ENOX2: variants seen among roughly 807,000 people sequenced by gnomAD.
ENOX2 encodes ecto-NOX disulfide-thiol exchanger 2, also known as APK1 antigen.
Under a neutral mutation model 45.0 loss-of-function variants are expected in ENOX2, and 36 were observed. The ratio of observed to expected loss-of-function variants is 0.80; its 90% CI spans 0.61 to 1.06. The LOEUF (loss-of-function observed/expected upper bound fraction) is 1.06, where lower values mean the gene tolerates loss of function less well. Ranked by LOEUF, ENOX2 falls within the 50% of genes least tolerant of loss-of-function variation. The probability of loss-of-function intolerance (pLI) is 0.00; values close to 1 mark genes in which losing one functional copy is unlikely to be tolerated. For synonymous variants in ENOX2, 174 were observed against 152.3 expected (o/e 1.14, Z -1.05); for missense variants, 423 against 462.5 (o/e 0.91, Z 0.78).
chrX:130,782,807 A>G (rs1378641745), intron 3 of ENOX2, among the ~76,000 whole-genome samples: 1 of 110,771 alleles, frequency 9.0e-6, no homozygotes, highest in African/African-American at 3.3e-5. Flanking sequence ...ATCAGTTAAG[A>G]TGTGGCTCTC....
intron 2 of ENOX2, among the ~76,000 whole-genome samples, chrX:130,824,449 T>C (rs955924792): frequency 2.7e-5 from 3 of 112,003 alleles, no homozygotes; most frequent in African/African-American, 9.7e-5. Context: ...TAATCTGGTG[T>C]CTTACTTCAA....
At chrX:130,786,524 G>A (rs2076971249) in intron 2 of ENOX2, among the ~76,000 whole-genome samples, 1 of 92,891 alleles carries the variant, frequency 1.1e-5, no homozygotes, top group African/African-American at 4.0e-5. Context: ...TCTAGCATTA[G>A]GTATATCTCC....
intron 2 of ENOX2, among the ~76,000 whole-genome samples, chrX:130,846,704 T>C (rs1365909894): frequency 8.9e-6 from 1 of 112,779 alleles, no homozygotes; most frequent in Non-Finnish European, 1.9e-5. Context: ...AAATATGGAA[T>C]TTATATGTTC....
intron 2 of ENOX2, among the ~76,000 whole-genome samples, chrX:130,894,191 C>A (rs2040950598): frequency 1.8e-5 from 2 of 111,115 alleles, no homozygotes; most frequent in Admixed American, 1.9e-4. Context: ...TCAAAGACTG[C>A]CAAATTAGAA....
chrX:130,859,387 T>A (rs1727161374), intron 2 of ENOX2, among the ~76,000 whole-genome samples: 1 of 112,450 alleles, frequency 8.9e-6, no homozygotes, highest in Non-Finnish European at 1.9e-5. Flanking sequence ...CTAAATGGGA[T>A]AAACAGATAA....
intron 2 of ENOX2, among the ~76,000 whole-genome samples, chrX:130,882,258 G>A (rs775789621): frequency 3.9e-4 from 42 of 106,729 alleles, no homozygotes; most frequent in African/African-American, 1.0e-3. Context: ...AGAGCGTTGT[G>A]TAGTGGGAGA....
chrX:130,814,161 A>G (rs1390856499), intron 2 of ENOX2, among the ~76,000 whole-genome samples: 2 of 112,392 alleles, frequency 1.8e-5, no homozygotes, highest in Admixed American at 9.3e-5. Context: ...ATGGCAGCTC[A>G]GCAAAGCCAC....
intron 5 of ENOX2, among the ~76,000 whole-genome samples, chrX:130,686,158 C>T (rs2037443225): frequency 9.0e-6 from 1 of 110,639 alleles, no homozygotes; most frequent in Admixed American, 9.6e-5. Context: ...TATGGTTCGG[C>T]CCTGTGTTCC....
At chrX:130,635,403 T>C (rs1408019963) in intron 11 of ENOX2, among the ~76,000 whole-genome samples, 1 of 111,919 alleles carries the variant, frequency 8.9e-6, no homozygotes, top group Non-Finnish European at 1.9e-5. Flanking sequence ...GTGTGGGCAA[T>C]GTTTTGATTG....
At chrX:130,744,729 G>A (rs1208359346) in intron 3 of ENOX2, among the ~76,000 whole-genome samples, 4 of 111,646 alleles carry the variant, frequency 3.6e-5, no homozygotes, top group African/African-American at 1.3e-4. Context: ...AATTTACAGA[G>A]CTGTAACTTC....
chrX:130,830,568 T>A (rs1309653819), intron 2 of ENOX2, among the ~76,000 whole-genome samples: 3 of 112,163 alleles, frequency 2.7e-5, no homozygotes, highest in African/African-American at 9.7e-5. Context: ...ATCCCATCCT[T>A]TCTTGCTGCT....
chrX:130,897,321 G>A (rs915255519), intron 2 of ENOX2, among the ~76,000 whole-genome samples: 1 of 112,231 alleles, frequency 8.9e-6, no homozygotes, highest in African/African-American at 3.2e-5. Context: ...TCAGTTGGCT[G>A]TTCTTGTTAT....
intron 3 of ENOX2, among the ~76,000 whole-genome samples, chrX:130,705,781 T>C (rs182669811): frequency 1.8e-5 from 2 of 111,761 alleles, no homozygotes; most frequent in Non-Finnish European, 1.9e-5. Context: ...GAAGTTCATG[T>C]GTTTGCAGTG....
intron 4 of ENOX2, among the ~76,000 whole-genome samples, chrX:130,697,054 T>C (rs1270734192): frequency 9.0e-6 from 1 of 111,650 alleles, no homozygotes; most frequent in Non-Finnish European, 1.9e-5. Context: ...CTGTAATCTT[T>C]CTTATAAGCT....
At chrX:130,715,532 A>T (rs576454718) in intron 3 of ENOX2, among the ~76,000 whole-genome samples, 1 of 110,177 alleles carries the variant, frequency 9.1e-6, no homozygotes. Context: ...ACATACCTTC[A>T]CATTATCTTC....
At chrX:130,798,114 G>A (rs2077163057) in intron 2 of ENOX2, among the ~76,000 whole-genome samples, 1 of 111,648 alleles carries the variant, frequency 9.0e-6, no homozygotes, top group African/African-American at 3.3e-5. Context: ...TAAGCATCTA[G>A]TTTTTAAAAG....
intron 2 of ENOX2, among the ~76,000 whole-genome samples, chrX:130,883,546 C>A (rs1301383149): frequency 9.0e-6 from 1 of 111,537 alleles, no homozygotes; most frequent in Non-Finnish European, 1.9e-5. Flanking sequence ...AAATAGCATG[C>A]CTTAATTATT....
intron 3 of ENOX2, among the ~76,000 whole-genome samples, chrX:130,731,711 A>G (rs2038741858): frequency 8.9e-6 from 1 of 112,452 alleles, no homozygotes; most frequent in African/African-American, 3.2e-5. Context: ...TCAACATACA[A>G]AAAATAATTA....
At position 130,631,531 on chromosome X, in the gene ENOX2, A is replaced by G. The variant is rs371121524; in HGVS notation, c.1465T>C (p.Tyr489His). 4.2e-6 allele frequency: 5 copies of G among 1,204,183 alleles called. No homozygotes were observed. The highest frequency in any genetic ancestry group is 5.6e-6 in the Non-Finnish European group (5 of 890,020). Residue 489 changes from tyrosine to histidine, a missense_variant, in exon 13 of 15, where the codon TAC becomes CAC. Tyr to His is a moderately conservative substitution (Grantham distance 83, BLOSUM62 2). Around this residue, in one of 5 missense-constraint regions of ENOX2, gnomAD observed 108 missense variants for 70.6 expected, o/e 1.53. Coordinates refer to ENST00000394363, the MANE Select transcript of ENOX2 (RefSeq NM_006375.4). ...RLCASNQDSE[Y>H]PLEKTMNSSP... ...CTGTTCATGGTCTTCTCAAGAGGGTATTCGCTATCCTGGTTTGAGGCACAC... is the reference window on the plus strand; with the variant it reads ...CTGTTCATGGTCTTCTCAAGAGGGTGTTCGCTATCCTGGTTTGAGGCACAC...
Sources: gnomAD v4.1 joint callset for allele counts (sites outside exome capture counted in the v4.1 genomes callset) on GRCh38, gnomAD v4.1.1 for gene constraint, gnomAD v4.1.1 regional missense constraint, MANE v1.5 for transcripts, NCBI Gene and HGNC (gene_info 2026-07-23, HGNC 2026-07-21) for gene names.